The following FNDC3B variants were observed in gnomAD, a reference collection of about 807,000 sequenced individuals.
FNDC3B encodes fibronectin type III domain containing 3B, also known as fibronectin type III domain-containing protein 3B.
Under a neutral mutation model 151.5 loss-of-function variants are expected in FNDC3B, and 12 were observed. The ratio of observed to expected loss-of-function variants is 0.08; its 90% CI spans 0.05 to 0.13. FNDC3B has a LOEUF of 0.13. FNDC3B is among the 10% of genes least tolerant of loss of function. FNDC3B has a pLI of 1.00. For missense variants in FNDC3B, 1,214 were observed against 1,505.3 expected, an observed-to-expected ratio of 0.81 and a Z score of 3.20; for synonymous variants, 528 against 549.0, an observed-to-expected ratio of 0.96 and a Z score of 0.54.
chr3:172,258,569 C>T (rs1358252125), intron 6 of FNDC3B, among the ~76,000 whole-genome samples: 1 of 152,102 alleles, frequency 6.6e-6, no homozygotes, highest in Non-Finnish European at 1.5e-5. Context: ...TTTGGGATGG[C>T]GTTTTTTCCC....
At chr3:172,046,265 G>A (rs1478831592) in intron 1 of FNDC3B, among the ~76,000 whole-genome samples, 1 of 152,026 alleles carries the variant, frequency 6.6e-6, no homozygotes, top group Admixed American at 6.5e-5. Flanking sequence ...GTAAGTGTTG[G>A]ATCAGAATTT....
At chr3:172,346,284 C>T (rs1315349014) in intron 19 of FNDC3B, 43 bp from the exon 20 acceptor site, 1 of 1,147,368 alleles carries the variant, frequency 8.7e-7, no homozygotes, top group South Asian at 1.3e-5. Flanking sequence ...CAAACACATA[C>T]ACGCATATAT....
At chr3:172,192,562 G>A (rs894568998) in intron 3 of FNDC3B, among the ~76,000 whole-genome samples, 2 of 152,040 alleles carry the variant, frequency 1.3e-5, no homozygotes, top group African/African-American at 2.4e-5. Context: ...TCTAATCTGA[G>A]TGAATAGAGA....
intron 3 of FNDC3B, among the ~76,000 whole-genome samples, chr3:172,139,339 TG>T (rs764965533): frequency 3.3e-5 from 5 of 152,240 alleles, no homozygotes; most frequent in Non-Finnish European, 5.9e-5. Context: ...TGTCATAGCT[TG>T]GTTTTGCAAA....
intron 25 of FNDC3B, among the ~76,000 whole-genome samples, chr3:172,391,703 T>C (rs889327742): frequency 3.3e-5 from 5 of 152,184 alleles, no homozygotes; most frequent in African/African-American, 1.2e-4. Context: ...AACATTAACT[T>C]ATCGCCACCA....
chr3:172,101,046 A>G (rs540206966), intron 1 of FNDC3B, among the ~76,000 whole-genome samples: 1 of 152,358 alleles, frequency 6.6e-6, no homozygotes, highest in South Asian at 2.1e-4. Context: ...TGAATGTTTC[A>G]TAACATCGGT....
At chr3:172,156,694 GTTT>G (rs66890930) in intron 3 of FNDC3B, among the ~76,000 whole-genome samples, 3 of 141,828 alleles carry the variant, frequency 2.1e-5, no homozygotes, top group Admixed American at 6.9e-5. Flanking sequence ...GAGTTTTGAA[GTTT>G]TTTTTTTTTT....
intron 4 of FNDC3B, among the ~76,000 whole-genome samples, chr3:172,240,091 T>C (rs1045126672): frequency 3.3e-5 from 5 of 152,058 alleles, no homozygotes; most frequent in African/African-American, 1.2e-4. Context: ...CAGGATGGTC[T>C]TGATCTCCTG....
chr3:172,049,560 T>C (rs1185345777), intron 1 of FNDC3B, among the ~76,000 whole-genome samples: 2 of 152,178 alleles, frequency 1.3e-5, no homozygotes, highest in Admixed American at 6.5e-5. Flanking sequence ...AGAATTTCGC[T>C]CTTATTGTCC....
chr3:172,046,560 C>A (rs893547192), intron 1 of FNDC3B, among the ~76,000 whole-genome samples: 4 of 151,928 alleles, frequency 2.6e-5, no homozygotes, highest in South Asian at 2.1e-4. Flanking sequence ...TGGCTTGAAG[C>A]AATCCCCCCG....
At chr3:172,231,116 T>C (rs563713136) in intron 4 of FNDC3B, among the ~76,000 whole-genome samples, 1 of 152,368 alleles carries the variant, frequency 6.6e-6, no homozygotes, top group South Asian at 2.1e-4. Context: ...TGGACTATTA[T>C]TCAGCCATAG....
intron 25 of FNDC3B, among the ~76,000 whole-genome samples, chr3:172,382,919 T>G (rs1285253426): frequency 6.6e-6 from 1 of 152,214 alleles, no homozygotes; most frequent in Non-Finnish European, 1.5e-5. Context: ...CCAGCTTTGT[T>G]CTTTTTGCTT....
At chr3:172,289,384 C>T (rs1484909696) in intron 7 of FNDC3B, among the ~76,000 whole-genome samples, 1 of 150,588 alleles carries the variant, frequency 6.6e-6, no homozygotes, top group African/African-American at 2.5e-5. Flanking sequence ...AGAGCCTTAA[C>T]TTGGTCACAC....
At chr3:172,370,655 G>A (rs966690418) in intron 23 of FNDC3B, among the ~76,000 whole-genome samples, 1 of 152,198 alleles carries the variant, frequency 6.6e-6, no homozygotes, top group Admixed American at 6.5e-5. Context: ...TTCTGGCTAA[G>A]GTCTGTGTGT....
At chr3:172,343,648 T>G (rs1439830985) in intron 18 of FNDC3B, among the ~76,000 whole-genome samples, 1 of 152,214 alleles carries the variant, frequency 6.6e-6, no homozygotes, top group African/African-American at 2.4e-5. Flanking sequence ...CAAGTACAAA[T>G]GTACAGAACT....
intron 1 of FNDC3B, among the ~76,000 whole-genome samples, chr3:172,107,101 A>G (rs1423147208): frequency 6.6e-6 from 1 of 152,124 alleles, no homozygotes; most frequent in African/African-American, 2.4e-5. Flanking sequence ...TCTTAGGGGA[A>G]AGGGAAGTTA....
At chr3:172,093,790 G>T (rs1411756849) in intron 1 of FNDC3B, among the ~76,000 whole-genome samples, 4 of 152,170 alleles carry the variant, frequency 2.6e-5, no homozygotes, top group Non-Finnish European at 4.4e-5. Context: ...AGAATTTCGT[G>T]AGAATACACA....
At chr3:172,234,814 C>CT (rs1727058826) in intron 4 of FNDC3B, among the ~76,000 whole-genome samples, 1 of 152,088 alleles carries the variant, frequency 6.6e-6, no homozygotes, top group African/African-American at 2.4e-5. Context: ...TATGTAATAA[C>CT]TTTTTTAAGA....
At chr3:172,348,917 C>T (rs1733729622) in intron 21 of FNDC3B, among the ~76,000 whole-genome samples, 1 of 152,016 alleles carries the variant, frequency 6.6e-6, no homozygotes, top group Non-Finnish European at 1.5e-5. Flanking sequence ...TATTTGTGGA[C>T]CAAATATGAA....
Sources: allele counts gnomAD v4.1 joint callset (sites outside exome capture counted in the v4.1 genomes callset), GRCh38; gene constraint gnomAD v4.1.1; transcripts MANE v1.5; gene names NCBI Gene and HGNC (gene_info 2026-07-23, HGNC 2026-07-21).